Variants in RNF6 observed in about 807,000 individuals in gnomAD.
The protein encoded by RNF6 is ring finger protein 6.
Under a neutral mutation model 50.1 loss-of-function variants are expected in RNF6, and 21 were observed. The ratio of observed to expected loss-of-function variants is 0.42; its 90% CI spans 0.30 to 0.60. RNF6 has a LOEUF of 0.60. RNF6 is among the 20% of genes least tolerant of loss of function. RNF6 has a pLI of 0.20. For synonymous variants in RNF6, 255 were observed against 291.8 expected, an observed-to-expected ratio of 0.87 and a Z score of 1.29; for missense variants, 698 against 838.2, an observed-to-expected ratio of 0.83 and a Z score of 2.07.
At chr13:26,132,424 T>G (rs1870437700) in exon 6 of RNF6, 1 of 460,356 alleles carries the variant, frequency 2.2e-6, no homozygotes, top group African/African-American at 2.0e-5. Context: ...GGTTTTCTGG[T>G]AGCACTTCAG....
At chr13:26,203,685 G>A (rs2137713565) in intron 5 of RNF6, among the ~76,000 whole-genome samples, 1 of 152,348 alleles carries the variant, frequency 6.6e-6, no homozygotes, top group Non-Finnish European at 1.5e-5. Context: ...ATGCAGGCTG[G>A]GCGCAGTGGC....
rs778130017 is a variant in RNF6, at chr13:26,198,126, GTGTA to G, written n.768+17344_768+17347del. 5.0e-3 allele frequency among the ~76,000 whole-genome samples: 71 copies of G among 14,252 alleles called. 1 individual carries two copies. Among genetic ancestry groups the G allele is most frequent in the East Asian group, 0.014 (2 of 140 alleles). The allele number at this position is 14,252 out of a possible 152,430, so 9.3% of individuals were successfully genotyped here. A position where few individuals can be genotyped will look rare whatever the true frequency, so the allele number is the denominator to read the frequency against. ...AGTACGAAAGTATATGTGTGTGTGT[GTGTA>G]TATATATATATATACACACACATAT... On this transcript the variant is annotated intron_variant and non_coding_transcript_variant, in intron 5 of 5. Transcript: ENST00000468480.
At chr13:26,158,503 G>T (rs1015011175) in intron 5 of RNF6, among the ~76,000 whole-genome samples, 1 of 152,180 alleles carries the variant, frequency 6.6e-6, no homozygotes, top group Non-Finnish European at 1.5e-5. Flanking sequence ...ATCTGTGAAA[G>T]TTGGTCTATT....
chr13:26,221,935 G>A (rs575901468), intron 1 of RNF6, 68 bp downstream of exon 1: 2 of 152,520 alleles, frequency 1.3e-5, no homozygotes, highest in Non-Finnish European at 2.9e-5. Context: ...GTGGCTCGAA[G>A]GATGGCCTGC....
intron 5 of RNF6, among the ~76,000 whole-genome samples, chr13:26,157,736 C>T (rs1320676517): frequency 6.6e-6 from 1 of 152,104 alleles, no homozygotes; most frequent in East Asian, 1.9e-4. Context: ...AATGTGAATC[C>T]TCAAGCTGAC....
intron 5 of RNF6, among the ~76,000 whole-genome samples, chr13:26,167,639 C>T (rs551655106): frequency 4.6e-5 from 7 of 152,206 alleles, no homozygotes; most frequent in African/African-American, 1.2e-4. Flanking sequence ...AAAAGCAGTA[C>T]GTTGATTCCT....
chr13:26,141,456 C>T (rs1870946707), intron 5 of RNF6, among the ~76,000 whole-genome samples: 1 of 149,256 alleles, frequency 6.7e-6, no homozygotes, highest in Non-Finnish European at 1.5e-5. Flanking sequence ...CAGCCAGAGG[C>T]AACAGATTAC....
chr13:26,148,565 C>T (rs957577884), intron 5 of RNF6, among the ~76,000 whole-genome samples: 1 of 141,926 alleles, frequency 7.0e-6, no homozygotes, highest in Non-Finnish European at 1.5e-5. Flanking sequence ...TGTAGAACCA[C>T]TCTTGGTACC....
At chr13:26,202,025 G>A (rs898851107) in intron 5 of RNF6, among the ~76,000 whole-genome samples, 1 of 152,162 alleles carries the variant, frequency 6.6e-6, no homozygotes, top group African/African-American at 2.4e-5. Context: ...AGCGGTTTGT[G>A]CCACTAGGCC....
At chr13:26,169,322 G>A (rs777764356) in intron 5 of RNF6, among the ~76,000 whole-genome samples, 36 of 152,120 alleles carry the variant, frequency 2.4e-4, no homozygotes, top group Non-Finnish European at 3.4e-4. Flanking sequence ...AGGGAGAAGG[G>A]CAAGGAGTAG....
At chr13:26,208,494 T>C (rs1358910178), downstream of RNF6, among the ~76,000 whole-genome samples, 1 of 152,218 alleles carries the variant, frequency 6.6e-6, no homozygotes, top group East Asian at 1.9e-4. Flanking sequence ...TCTCTAGACT[T>C]TGTCCCATGC....
chr13:26,153,402 C>T (rs572848165), intron 5 of RNF6, among the ~76,000 whole-genome samples: 1 of 151,828 alleles, frequency 6.6e-6, no homozygotes, highest in Non-Finnish European at 1.5e-5. Flanking sequence ...TTAGTAGAGA[C>T]GGGGTTTCAC....
chr13:26,199,002 A>G (rs1181561330), intron 5 of RNF6, among the ~76,000 whole-genome samples: 1 of 152,014 alleles, frequency 6.6e-6, no homozygotes, highest in Non-Finnish European at 1.5e-5. Flanking sequence ...GGAGATATAT[A>G]CCATATTGAT....
In RNF6 at chr13:26,166,285, A is replaced by G. The variant is rs144813722; in HGVS notation, n.769-33834T>C. Among the ~76,000 whole-genome samples, 465 of 152,298 alleles carry G rather than the reference A, an allele frequency of 3.1e-3. 2 individuals carry two copies. Among genetic ancestry groups the G allele is most frequent in the Admixed American group, 4.8e-3 (74 of 15,306 alleles). Reference sequence around the variant, plus strand: ...AGTCCAATAAACCTTTTTCTTTTGTAAATTGCTCAGTCTCTGGTATGTCTT... The same window carrying G: ...AGTCCAATAAACCTTTTTCTTTTGTGAATTGCTCAGTCTCTGGTATGTCTT... On this transcript the variant is annotated intron_variant and non_coding_transcript_variant, in intron 5 of 5. Coordinates refer to the RNF6 transcript ENST00000468480.
chr13:26,143,326 T>C (rs1871057065), intron 5 of RNF6, among the ~76,000 whole-genome samples: 1 of 152,198 alleles, frequency 6.6e-6, no homozygotes, highest in South Asian at 2.1e-4. Context: ...TTCCCCTTAG[T>C]AGTCAGGATC....
At chr13:26,158,037 C>T (rs556484836) in intron 5 of RNF6, among the ~76,000 whole-genome samples, 16 of 151,334 alleles carry the variant, frequency 1.1e-4, no homozygotes, top group African/African-American at 3.2e-4. Flanking sequence ...AATAGATGGA[C>T]GGATAGCTAG....
intron 4 of RNF6, 39 bp downstream of exon 4, chr13:26,218,472 C>T (rs2137785196): frequency 1.3e-6 from 2 of 1,487,420 alleles, no homozygotes; most frequent in South Asian, 1.1e-5. Flanking sequence ...GCAAGTGCTC[C>T]AATCAAGCCT....
intron 5 of RNF6, among the ~76,000 whole-genome samples, chr13:26,198,331 G>C (rs1868758888): frequency 6.6e-6 from 1 of 151,786 alleles, no homozygotes; most frequent in Admixed American, 6.6e-5. Flanking sequence ...GTCAGTGTTG[G>C]TTCTACCATC....
rs1443066565 is a variant in RNF6 at position 26,183,086 on chromosome 13, T to G, written n.768+32388A>C. Among the ~76,000 whole-genome samples the G allele has an allele frequency of 2.0e-5, 3 of 152,346 alleles. No individual in the cohort carries two copies. The East Asian group carries it at 5.8e-4, about 29-fold the overall frequency. On this transcript the variant is annotated intron_variant and non_coding_transcript_variant, in intron 5 of 5. Coordinates refer to the RNF6 transcript ENST00000468480. The stretch of plus-strand genomic sequence containing the variant: ...GCCTTTCCCCCAGTTTAGCCTCTGC[T>G]GAAAGGCACTTTAAAATGTGTTTGA...
Sources: allele counts gnomAD v4.1 joint callset (sites outside exome capture counted in the v4.1 genomes callset), GRCh38; gene constraint gnomAD v4.1.1; transcripts MANE v1.5; gene names NCBI Gene and HGNC (gene_info 2026-07-23, HGNC 2026-07-21).